CALN1: variants seen among roughly 807,000 people sequenced by gnomAD.
The protein encoded by CALN1 is calcium-binding protein 8.
Under a neutral mutation model 30.6 loss-of-function variants are expected in CALN1, and 17 were observed. The ratio of observed to expected loss-of-function variants is 0.56; its 90% CI spans 0.38 to 0.83. CALN1 has a LOEUF of 0.83. CALN1 is among the 40% of genes least tolerant of loss of function. The pLI is 0.00. For missense variants in CALN1, 291 were observed against 354.9 expected (o/e 0.82, Z 1.45); for synonymous variants, 156 against 131.4 (o/e 1.19, Z -1.28).
At chr7:72,395,835 C>T (rs967189157) in intron 2 of CALN1, among the ~76,000 whole-genome samples, 2 of 152,128 alleles carry the variant, frequency 1.3e-5, no homozygotes, top group Non-Finnish European at 2.9e-5. Context: ...AATCCTCCCC[C>T]TGGGGACTTC....
chr7:72,320,203 G>A (rs1181304861), intron 2 of CALN1, among the ~76,000 whole-genome samples: 1 of 152,162 alleles, frequency 6.6e-6, no homozygotes, highest in Admixed American at 6.5e-5. Context: ...CAGGCAGAGA[G>A]GGAGGGCCAA....
At chr7:71,976,723 T>A (rs913024402) in intron 5 of CALN1, among the ~76,000 whole-genome samples, 3 of 152,108 alleles carry the variant, frequency 2.0e-5, no homozygotes, top group Non-Finnish European at 4.4e-5. Flanking sequence ...GGATGGCAGA[T>A]AGAAAAAGAA....
In CALN1 at chr7:71,970,531, T is replaced by A. The variant is rs1797741603; in HGVS notation, c.501+53126A>T. Among the ~76,000 whole-genome samples, 3 of 151,760 alleles carry A rather than the reference T, an allele frequency of 2.0e-5. No individual in the cohort carries two copies. The South Asian group carries it at 6.3e-4, about 32-fold the overall frequency. The stretch of plus-strand genomic sequence containing the variant: ...ATTTTAGGCTTTGGCCGTTAAGAAA[T>A]CCAATGCAAAATGGCAACTAGGCTT... On this transcript the variant is annotated intron_variant, in intron 5 of 6. Transcript: ENST00000395275.
chr7:72,096,074 T>C (rs557344266), intron 4 of CALN1, among the ~76,000 whole-genome samples: 1 of 151,704 alleles, frequency 6.6e-6, no homozygotes, highest in African/African-American at 2.4e-5. Flanking sequence ...GATAGATAGA[T>C]AGATAGATAG....
At chr7:72,225,694 C>G (rs371550406) in intron 3 of CALN1, among the ~76,000 whole-genome samples, 13 of 152,260 alleles carry the variant, frequency 8.5e-5, no homozygotes, top group African/African-American at 2.9e-4. Context: ...TTCCTCACTT[C>G]CATGTGCTCT....
intron 3 of CALN1, among the ~76,000 whole-genome samples, chr7:72,181,659 T>C (rs12699123): frequency 0.25 from 38,166 of 152,000 alleles, 6,009 homozygotes; most frequent in East Asian, 0.68. Context: ...GTATTTTTAG[T>C]AGAGTCATGG....
At chr7:72,294,696 C>G (rs910537626) in intron 2 of CALN1, among the ~76,000 whole-genome samples, 1 of 151,692 alleles carries the variant, frequency 6.6e-6, no homozygotes, top group African/African-American at 2.4e-5. Flanking sequence ...CTGCAGTGAG[C>G]ATAATGTTGC....
At chr7:72,376,401 T>C (rs531203960) in intron 2 of CALN1, among the ~76,000 whole-genome samples, 34 of 152,280 alleles carry the variant, frequency 2.2e-4, no homozygotes, top group Non-Finnish European at 4.6e-4. Flanking sequence ...TTGTTGCTGT[T>C]GTTATCACCA....
chr7:72,474,411 T>C, the CALN1 span, among the ~76,000 whole-genome samples: 1 of 151,998 alleles, frequency 6.6e-6, no homozygotes, highest in African/African-American at 2.4e-5. Flanking sequence ...AGGGACCAGG[T>C]GCAGAGGCTC....
intron 5 of CALN1, among the ~76,000 whole-genome samples, chr7:72,014,588 A>G (rs17144221): frequency 0.018 from 2,776 of 152,292 alleles, 67 homozygotes; most frequent in African/African-American, 0.063. Flanking sequence ...AAGAGGTTTC[A>G]CATAGCTTTA....
chr7:72,355,304 C>T (rs527244462), intron 2 of CALN1, among the ~76,000 whole-genome samples: 58 of 152,246 alleles, frequency 3.8e-4, no homozygotes, highest in African/African-American at 1.2e-3. Context: ...AGCGGGCGGA[C>T]CACTTGAGGC....
intron 4 of CALN1, chr7:72,104,168 C>G (rs1368986210): frequency 6.5e-6 from 1 of 153,538 alleles, no homozygotes; most frequent in Non-Finnish European, 1.5e-5. Flanking sequence ...CAAGTCCAAG[C>G]TGGTAGATGA....
At chr7:72,036,839 T>C (rs1374845879) in intron 4 of CALN1, among the ~76,000 whole-genome samples, 2 of 150,922 alleles carry the variant, frequency 1.3e-5, no homozygotes, top group Non-Finnish European at 2.9e-5. Flanking sequence ...TTCTTGTTTC[T>C]TTTATGCTTT....
intron 2 of CALN1, among the ~76,000 whole-genome samples, chr7:72,389,943 G>A (rs547951037): frequency 6.0e-5 from 9 of 149,392 alleles, no homozygotes; most frequent in East Asian, 2.0e-4. Flanking sequence ...AAAAAAAGAA[G>A]AAAGAAAAGA....
intron 3 of CALN1, among the ~76,000 whole-genome samples, chr7:72,140,635 G>A (rs937778384): frequency 1.3e-5 from 2 of 152,268 alleles, no homozygotes; most frequent in African/African-American, 4.8e-5. Flanking sequence ...GCCTATGTCT[G>A]TTGAATGGTA....
rs369371369 is a variant in CALN1 at position 71,988,536 on chromosome 7, G to A, written c.501+35121C>T. ...TCTCCGACACATGGCTGAATTAGTG[G>A]AAATTCCTCCCAGATATAGGCCTGT... On this transcript the variant is annotated intron_variant, in intron 5 of 6. Coordinates refer to ENST00000395275, the MANE Select transcript of CALN1 (RefSeq NM_031468.4). Among the ~76,000 whole-genome samples, 28 of 152,250 alleles carry A rather than the reference G, an allele frequency of 1.8e-4. 1 individual carries two copies. The South Asian group carries it at 5.6e-3, about 30-fold the overall frequency.
intron 4 of CALN1, among the ~76,000 whole-genome samples, chr7:72,093,200 A>T (rs866980386): frequency 2.6e-5 from 4 of 152,234 alleles, no homozygotes; most frequent in African/African-American, 9.6e-5. Flanking sequence ...TATGATTTTT[A>T]AAAATTATAA....
At chr7:72,489,850 A>G in the CALN1 span, among the ~76,000 whole-genome samples, 2 of 152,212 alleles carry the variant, frequency 1.3e-5, no homozygotes, top group Admixed American at 6.5e-5. Flanking sequence ...TCACTCCCCA[A>G]TTCCAGGGCT....
chr7:72,128,258 A>G (rs1808904703), intron 3 of CALN1, among the ~76,000 whole-genome samples: 1 of 152,196 alleles, frequency 6.6e-6, no homozygotes, highest in Non-Finnish European at 1.5e-5. Context: ...TAGCTGAAAA[A>G]TAGTAGAAAG....
Sources: allele counts gnomAD v4.1 joint callset (sites outside exome capture counted in the v4.1 genomes callset), GRCh38; gene constraint gnomAD v4.1.1; transcripts MANE v1.5; gene names NCBI Gene and HGNC (gene_info 2026-07-23, HGNC 2026-07-21).